The following FHIT variants were observed in gnomAD, a reference collection of about 807,000 sequenced individuals.
FHIT encodes bis(5'-adenosyl)-triphosphatase.
A neutral mutation model predicts 17.9 loss-of-function variants in FHIT; 19 were observed. That is an observed-to-expected ratio of 1.06 (90% CI 0.74 to 1.56). FHIT has a LOEUF of 1.56. Ranked by LOEUF, FHIT falls within the 40% of genes most tolerant of loss-of-function variation. FHIT has a pLI of 0.00. For synonymous variants in FHIT, 81 were observed against 69.7 expected (o/e 1.16, Z -0.81); for missense variants, 248 against 189.2 (o/e 1.31, Z -1.82).
intron 4 of FHIT, among the ~76,000 whole-genome samples, chr3:60,813,913 G>T (rs1175252740): frequency 3.3e-5 from 5 of 151,960 alleles, no homozygotes; most frequent in African/African-American, 9.7e-5. Context: ...AGCCACTCTA[G>T]ACTTCCTATG....
intron 5 of FHIT, among the ~76,000 whole-genome samples, chr3:60,126,772 C>T (rs1404394456): frequency 6.6e-6 from 1 of 152,136 alleles, no homozygotes; most frequent in Non-Finnish European, 1.5e-5. Flanking sequence ...AAGAAATTTT[C>T]CCCAATCCTT....
rs143401970 is a variant in FHIT at position 60,365,047 on chromosome 3, A to AAT, written c.103+171811_103+171812dup. On this transcript the variant is annotated intron_variant, in intron 5 of 9. Transcript: ENST00000492590. ...ATGTTTGTATGTATGTATCTATCTG[A>AAT]ATATATATATATATATTCTATTGGT... 6.6e-3 allele frequency among the ~76,000 whole-genome samples: 984 copies of AAT among 148,526 alleles called. 7 individuals are homozygous for AAT. The highest frequency in any genetic ancestry group is 0.021 in the African/African-American group (848 of 40,678).
At chr3:61,249,429 G>T (rs1372459166) in intron 1 of FHIT, among the ~76,000 whole-genome samples, 1 of 152,192 alleles carries the variant, frequency 6.6e-6, no homozygotes, top group African/African-American at 2.4e-5. Flanking sequence ...CAGCTCAAAT[G>T]TTTAGTATCT....
intron 3 of FHIT, among the ~76,000 whole-genome samples, chr3:61,020,221 A>T (rs2107643761): frequency 6.6e-6 from 1 of 152,276 alleles, no homozygotes; most frequent in South Asian, 2.1e-4. Flanking sequence ...CTTTTTAATG[A>T]TCGCCATTCT....
chr3:60,660,405 G>T (rs1040288874), intron 4 of FHIT, among the ~76,000 whole-genome samples: 10 of 152,056 alleles, frequency 6.6e-5, no homozygotes, highest in African/African-American at 2.4e-4. Context: ...CTGCGAGTGG[G>T]GTATGAGTAG....
intron 5 of FHIT, among the ~76,000 whole-genome samples, chr3:60,295,004 T>C (rs1708143773): frequency 6.6e-6 from 1 of 152,284 alleles, no homozygotes; most frequent in African/African-American, 2.4e-5. Context: ...TAACGGTTTT[T>C]GTGTGGATCC....
chr3:59,853,435 G>A (rs1702023077), intron 8 of FHIT, among the ~76,000 whole-genome samples: 1 of 152,082 alleles, frequency 6.6e-6, no homozygotes, highest in Admixed American at 6.5e-5. Flanking sequence ...TTTCTCAGTT[G>A]TATTATGTGA....
At chr3:60,556,177 A>G (rs922026596) in intron 4 of FHIT, among the ~76,000 whole-genome samples, 2 of 152,160 alleles carry the variant, frequency 1.3e-5, no homozygotes, top group African/African-American at 4.8e-5. Context: ...TGATCCGTCT[A>G]TATACAGACC....
intron 7 of FHIT, among the ~76,000 whole-genome samples, chr3:59,973,042 G>A (rs1216086475): frequency 6.6e-6 from 1 of 152,050 alleles, no homozygotes; most frequent in African/African-American, 2.4e-5. Context: ...TAGACAGGGT[G>A]TGTCTCCCTC....
intron 4 of FHIT, among the ~76,000 whole-genome samples, chr3:60,605,471 T>C (rs568132355): frequency 6.6e-6 from 1 of 152,138 alleles, no homozygotes; most frequent in Non-Finnish European, 1.5e-5. Context: ...TAGGACATAC[T>C]TGAGAAGTCA....
rs150580667 is a variant in FHIT at position 60,320,443 on chromosome 3, A to C, written c.103+216417T>G. Among the ~76,000 whole-genome samples, 1,279 of 152,352 alleles carry C rather than the reference A, an allele frequency of 8.4e-3. 12 individuals carry two copies. Among genetic ancestry groups the C allele is most frequent in the Middle Eastern group, 0.014 (4 of 294 alleles). ...AAATGGCTAACTGGAGAGGAAAAAAAATAGGATTTCAATTAAATCATAAAC... is the reference window on the plus strand; with the variant it reads ...AAATGGCTAACTGGAGAGGAAAAAACATAGGATTTCAATTAAATCATAAAC... On this transcript the variant is annotated intron_variant, in intron 5 of 9. Coordinates refer to ENST00000492590, the MANE Select transcript of FHIT (RefSeq NM_002012.4).
chr3:59,884,458 T>C (rs1433451906), intron 8 of FHIT, among the ~76,000 whole-genome samples: 1 of 152,128 alleles, frequency 6.6e-6, no homozygotes, highest in East Asian at 1.9e-4. Context: ...TTATTGTGTA[T>C]CTCAGCAAAA....
At chr3:60,192,414 A>C (rs1222149482) in intron 5 of FHIT, among the ~76,000 whole-genome samples, 1 of 152,120 alleles carries the variant, frequency 6.6e-6, no homozygotes, top group Non-Finnish European at 1.5e-5. Context: ...GGTATGGCAG[A>C]TGCCTTTCAT....
chr3:59,962,802 T>C (rs1264366600), intron 7 of FHIT, among the ~76,000 whole-genome samples: 1 of 152,212 alleles, frequency 6.6e-6, no homozygotes, highest in South Asian at 2.1e-4. Flanking sequence ...AACACAAACA[T>C]AATCTGTGGG....
At chr3:60,298,397 C>G (rs1559799506) in intron 5 of FHIT, among the ~76,000 whole-genome samples, 2 of 152,082 alleles carry the variant, frequency 1.3e-5, no homozygotes, top group African/African-American at 4.8e-5. Flanking sequence ...AAAAAACACT[C>G]TTATCTCCAG....
intron 7 of FHIT, among the ~76,000 whole-genome samples, chr3:60,008,311 G>A (rs1313655907): frequency 6.6e-6 from 1 of 152,098 alleles, no homozygotes; most frequent in African/African-American, 2.4e-5. Context: ...CCTTGTGGAT[G>A]GCAGGGTTCT....
At chr3:60,918,718 T>C (rs1707132999) in intron 3 of FHIT, among the ~76,000 whole-genome samples, 1 of 152,160 alleles carries the variant, frequency 6.6e-6, no homozygotes, top group Admixed American at 6.5e-5. Flanking sequence ...CATGGAACCT[T>C]GGTGTTACAT....
rs138033375 is a variant in FHIT, at chr3:59,802,803, C to G, written c.349-50482G>C. Among the ~76,000 whole-genome samples, 182 of 152,306 alleles carry G rather than the reference C, an allele frequency of 1.2e-3. 2 individuals carry two copies. The East Asian group carries it at 0.026, about 22-fold the overall frequency. On this transcript the variant is annotated intron_variant, in intron 8 of 9. Transcript: ENST00000492590. Reference sequence around the variant, plus strand: ...TGAGGGCCAGAAACTAGTCACTTCACTACTGCTATAATCCTAGGGAGAGAG... The same window carrying G: ...TGAGGGCCAGAAACTAGTCACTTCAGTACTGCTATAATCCTAGGGAGAGAG...
chr3:60,265,477 T>A (rs1354865133), intron 5 of FHIT, among the ~76,000 whole-genome samples: 1 of 151,966 alleles, frequency 6.6e-6, no homozygotes, highest in Non-Finnish European at 1.5e-5. Flanking sequence ...AAAACATACA[T>A]GTAAACCTTC....
Sources: allele counts gnomAD v4.1 joint callset (sites outside exome capture counted in the v4.1 genomes callset), GRCh38; gene constraint gnomAD v4.1.1; transcripts MANE v1.5; gene names NCBI Gene and HGNC (gene_info 2026-07-23, HGNC 2026-07-21).